Variants in PLD1 observed in about 807,000 individuals in gnomAD.
PLD1 encodes the protein phospholipase D1.
PLD1 carries 112 observed loss-of-function variants against 137.1 expected under a neutral mutation model. The ratio of observed to expected loss-of-function variants is 0.82; its 90% CI spans 0.70 to 0.96. The LOEUF (loss-of-function observed/expected upper bound fraction) is 0.96. PLD1 is among the 40% of genes least tolerant of loss of function. The pLI, the probability that PLD1 is intolerant of heterozygous loss-of-function variation, is 0.00. For missense variants in PLD1, 1,321 were observed against 1,342.0 expected (o/e 0.98, Z 0.24); for synonymous variants, 431 against 454.7 (o/e 0.95, Z 0.66).
chr3:171,680,475 C>G (rs2108492401), intron 16 of PLD1, among the ~76,000 whole-genome samples: 1 of 152,058 alleles, frequency 6.6e-6, no homozygotes, highest in African/African-American at 2.4e-5. Context: ...ACCTCGTGAT[C>G]TGCCTGCCTC....
chr3:171,765,355 G>A (rs1369034412), intron 1 of PLD1: 1 of 152,150 alleles, frequency 6.6e-6, no homozygotes, highest in African/African-American at 2.4e-5. Context: ...AGAACAAAAT[G>A]TTCCAACAAC....
intron 16 of PLD1, among the ~76,000 whole-genome samples, chr3:171,685,752 T>C (rs1714484236): frequency 1.3e-5 from 2 of 152,202 alleles, no homozygotes; most frequent in East Asian, 3.8e-4. Flanking sequence ...CTGGAGTATC[T>C]TCTTACCAAA....
At chr3:171,700,304 A>T (rs1716131738) in intron 11 of PLD1, among the ~76,000 whole-genome samples, 2 of 149,650 alleles carry the variant, frequency 1.3e-5, no homozygotes, top group South Asian at 4.2e-4. Flanking sequence ...CCTCCCTGAA[A>T]CACACACACA....
rs542683264 is a variant in PLD1 at position 171,606,619 on chromosome 3, C to T, written c.2883-1203G>A. Among the ~76,000 whole-genome samples the T allele has an allele frequency of 9.9e-5, 15 of 152,162 alleles. No individual in the cohort carries two copies. In the South Asian group the frequency reaches 2.9e-3, roughly 30 times the overall value. ...AAGAAGTATGTCAAGGAGAACTGTC[C>T]AATTCAGATAAGAATTGACCACCGG... On this transcript the variant is annotated intron_variant, in intron 25 of 26. Transcript: ENST00000351298.
chr3:171,635,163 A>C (rs1735003207), intron 23 of PLD1, among the ~76,000 whole-genome samples: 1 of 152,182 alleles, frequency 6.6e-6, no homozygotes, highest in African/African-American at 2.4e-5. Flanking sequence ...TTGTTTATAC[A>C]TTCATCAGTT....
intron 11 of PLD1, among the ~76,000 whole-genome samples, chr3:171,702,078 A>G (rs4894497): frequency 0.33 from 49,552 of 152,042 alleles, 9,613 homozygotes; most frequent in African/African-American, 0.53. Flanking sequence ...ATATAAGAGT[A>G]GAACTTGATG....
intron 23 of PLD1, among the ~76,000 whole-genome samples, chr3:171,621,756 C>T (rs973824110): frequency 6.6e-6 from 1 of 152,052 alleles, no homozygotes; most frequent in African/African-American, 2.4e-5. Flanking sequence ...CAATTTATTC[C>T]CCCATTTGTT....
chr3:171,672,051 A>G (rs939652687), intron 19 of PLD1, among the ~76,000 whole-genome samples: 1 of 128,760 alleles, frequency 7.8e-6, no homozygotes, highest in Non-Finnish European at 1.6e-5. Context: ...CGAATGGGTT[A>G]CTGCAGTCAG....
intron 13 of PLD1, 37 bp downstream of exon 13, chr3:171,692,295 A>G (rs1170122815): frequency 2.0e-6 from 2 of 976,958 alleles, no homozygotes; most frequent in African/African-American, 3.2e-5. Flanking sequence ...CTATAGAATA[A>G]TAAAGAAACA....
At chr3:171,639,848 C>CTCTCTCTCTCTCTATATATATATA (rs3050415) in intron 23 of PLD1, among the ~76,000 whole-genome samples, 3 of 110,214 alleles carry the variant, frequency 2.7e-5, no homozygotes, top group African/African-American at 1.2e-4. Context: ...CTCTCTCTCT[C>CTCTCTCTCTCTCTATATATATATA]TATATATATA....
intron 1 of PLD1, among the ~76,000 whole-genome samples, chr3:171,769,735 C>T (rs1390914705): frequency 6.6e-6 from 1 of 152,246 alleles, no homozygotes; most frequent in Non-Finnish European, 1.5e-5. Context: ...TAGCATATCA[C>T]CTCAGAGATC....
intron 26 of PLD1, among the ~76,000 whole-genome samples, chr3:171,604,406 G>A (rs1732046844): frequency 6.6e-6 from 1 of 151,232 alleles, no homozygotes; most frequent in African/African-American, 2.4e-5. Context: ...TTTCTCTGCT[G>A]GAAGGGGCTC....
intron 23 of PLD1, among the ~76,000 whole-genome samples, chr3:171,627,440 G>C (rs113186627): frequency 0.03 from 4,524 of 152,142 alleles, 159 homozygotes; most frequent in African/African-American, 0.084. Flanking sequence ...GTCAACATTA[G>C]ACAGATCAAC....
intron 1 of PLD1, among the ~76,000 whole-genome samples, chr3:171,769,435 TTAA>T: frequency 6.6e-6 from 1 of 152,334 alleles, no homozygotes; most frequent in South Asian, 2.1e-4. Context: ...TTAATATCAT[TTAA>T]TAATTAATAA....
intron 23 of PLD1, among the ~76,000 whole-genome samples, chr3:171,626,100 T>C (rs2108312904): frequency 6.6e-6 from 1 of 152,198 alleles, no homozygotes; most frequent in South Asian, 2.1e-4. Flanking sequence ...GTTGAAAACT[T>C]TGAAAAAAAT....
At chr3:171,750,377 A>G (rs1184595769) in intron 1 of PLD1, among the ~76,000 whole-genome samples, 1 of 152,130 alleles carries the variant, frequency 6.6e-6, no homozygotes, top group African/African-American at 2.4e-5. Context: ...AAATGAACAG[A>G]GCCTTAGTAT....
chr3:171,799,337 T>TAAAAGAA (rs1723555322), intron 1 of PLD1, among the ~76,000 whole-genome samples: 1 of 57,866 alleles, frequency 1.7e-5, no homozygotes, highest in Admixed American at 2.6e-4. Flanking sequence ...AGACTCCGTC[T>TAAAAGAA]AAAAAAAAAA....
intron 21 of PLD1, among the ~76,000 whole-genome samples, chr3:171,650,130 T>C (rs1736601026): frequency 6.6e-6 from 1 of 152,160 alleles, no homozygotes; most frequent in Admixed American, 6.5e-5. Flanking sequence ...CATCAACTTC[T>C]TTTAGATTTG....
chr3:171,788,929 T>G (rs1723118023), intron 1 of PLD1: 1 of 152,236 alleles, frequency 6.6e-6, no homozygotes, highest in South Asian at 2.1e-4. Context: ...TACTCCAATA[T>G]GTATTGCATA....
Sources: gnomAD v4.1 joint callset for allele counts (sites outside exome capture counted in the v4.1 genomes callset) on GRCh38, gnomAD v4.1.1 for gene constraint, MANE v1.5 for transcripts, NCBI Gene and HGNC (gene_info 2026-07-23, HGNC 2026-07-21) for gene names.